Variants in YWHAZ observed in about 807,000 individuals in gnomAD.
YWHAZ encodes the protein tyrosine 3-monooxygenase/tryptophan 5-monooxygenase activation protein zeta.
For synonymous variants in YWHAZ, 87 were observed against 103.6 expected (o/e 0.84, Z 0.97); for missense variants, 79 against 284.8 (o/e 0.28, Z 5.20).
chr8:100,935,496 G>A (rs925157683), intron 2 of YWHAZ, among the ~76,000 whole-genome samples: 3 of 152,138 alleles, frequency 2.0e-5, no homozygotes, highest in Admixed American at 2.0e-4. Flanking sequence ...TGCTGTAAGA[G>A]ACACAACAAT....
rs1039398730 is a variant in YWHAZ at position 100,919,980 on chromosome 8, T to C, written c.*713A>G. ...GAAGTAATGAATACCAAGCAATTCA[T>C]TTTTCCTGCATCTTTACTTTTACAT... On this transcript the variant is annotated 3_prime_UTR_variant, in exon 6 of 6. Transcript: ENST00000395958. 6.5e-6 allele frequency: 1 copy of C among 152,774 alleles called. No homozygotes were observed. The highest frequency in any genetic ancestry group is 2.4e-5 in the African/African-American group (1 of 41,592). The allele number at this position is 152,774 out of a possible 1,614,324, so 9.5% of individuals were successfully genotyped here. A position where few individuals can be genotyped will look rare whatever the true frequency, so the allele number is the denominator to read the frequency against.
chr8:100,942,722 C>T (rs1448758203), intron 2 of YWHAZ, among the ~76,000 whole-genome samples: 1 of 152,028 alleles, frequency 6.6e-6, no homozygotes, highest in Non-Finnish European at 1.5e-5. Context: ...GACGACCAAA[C>T]TAAAGCTAAA....
rs1398525449 is a variant in YWHAZ at position 100,948,467 on chromosome 8, AAG to A, written c.294+127_294+128del. The A allele has an allele frequency of 9.5e-7, 1 of 1,049,374 alleles. No individual in the cohort carries two copies. The highest frequency in any genetic ancestry group is 1.4e-6 in the Non-Finnish European group (1 of 725,124). The allele number at this position is 1,049,374 out of a possible 1,614,324, so 65.0% of individuals were successfully genotyped here. A position where few individuals can be genotyped will look rare whatever the true frequency, so the allele number is the denominator to read the frequency against. ...ACATCTTTTTAGTCATGACACCATG[AAG>A]ACTTTTAAATTTGGAACACACAATG... On this transcript the variant is annotated intron_variant, in intron 2 of 5. Transcript: ENST00000395958. The surrounding 1 kb of genome is among the most constrained non-coding windows in gnomAD (Gnocchi z 4.2).
At position 100,918,340 on chromosome 8, in the gene YWHAZ, T is replaced by C; in HGVS notation, c.*2353A>G. On this transcript the variant is annotated 3_prime_UTR_variant, in exon 6 of 6. Coordinates refer to ENST00000395958, the MANE Select transcript of YWHAZ (RefSeq NM_145690.3). ...CCTGGGTGACAGAGCAAGACTCTTGTCTCCAAAAAAAAAAAAAACAACAAA... is the reference window on the plus strand; with the variant it reads ...CCTGGGTGACAGAGCAAGACTCTTGCCTCCAAAAAAAAAAAAAACAACAAA... 3.8e-5 allele frequency: 3 copies of C among 79,798 alleles called. No individual in the cohort carries two copies. Among genetic ancestry groups the C allele is most frequent in the South Asian group, 7.0e-4 (1 of 1,432 alleles). The allele number at this position is 79,798 out of a possible 1,614,324, so 4.9% of individuals were successfully genotyped here.
chr8:100,924,812 G>T lies in YWHAZ; in HGVS notation c.418+104C>A. ...CAAAGAGCACTGCTACTCCTTATTC[G>T]GCACTCTAAGCAATTCAAAACAAGA... On this transcript the variant is annotated intron_variant, in intron 3 of 5. Coordinates refer to ENST00000395958, the MANE Select transcript of YWHAZ (RefSeq NM_145690.3). This position sits in a 1 kb window ranked among gnomAD's most constrained non-coding sequence, Gnocchi z 5.7. 2 of 1,438,368 alleles carry T rather than the reference G, an allele frequency of 1.4e-6. No individual in the cohort carries two copies. Among genetic ancestry groups the T allele is most frequent in the South Asian group, 1.3e-5 (1 of 75,108 alleles). 89.1% of individuals were successfully genotyped at this position (1,438,368 alleles called of 1,614,324 possible). A position where few individuals can be genotyped will look rare whatever the true frequency, so the allele number is the denominator to read the frequency against.
upstream of YWHAZ, chr8:100,953,369 G>T: frequency 1.0e-6 from 1 of 985,666 alleles, no homozygotes; most frequent in Non-Finnish European, 1.2e-6. Context: ...GCCGGGACGG[G>T]AGCCCGGAAG....
Position 100,919,276 on chromosome 8 carries a change from A to G in YWHAZ, c.*1417T>C, listed in dbSNP as rs1341448521. The G allele has an allele frequency of 6.6e-6, 1 of 152,670 alleles. No individual in the cohort carries two copies. The highest frequency in any genetic ancestry group is 1.5e-5 in the Non-Finnish European group (1 of 68,036). The allele number at this position is 152,670 out of a possible 1,614,324, so 9.5% of individuals were successfully genotyped here. A position where few individuals can be genotyped will look rare whatever the true frequency, so the allele number is the denominator to read the frequency against. On this transcript the variant is annotated 3_prime_UTR_variant, in exon 6 of 6. Coordinates refer to ENST00000395958, the MANE Select transcript of YWHAZ (RefSeq NM_145690.3). ...GGATCAAAATTGAAGGCAGGCTATAAGAGTATCAAGAAATTCTTAAAAACC... is the reference window on the plus strand; with the variant it reads ...GGATCAAAATTGAAGGCAGGCTATAGGAGTATCAAGAAATTCTTAAAAACC...
upstream of YWHAZ, chr8:100,952,294 T>C: frequency 6.2e-6 from 2 of 320,670 alleles, no homozygotes; most frequent in Non-Finnish European, 9.0e-6. Context: ...TCCTCTACGC[T>C]TGTCCCGAGT....
At chr8:100,938,341 C>T (rs1814346102) in intron 2 of YWHAZ, among the ~76,000 whole-genome samples, 1 of 152,144 alleles carries the variant, frequency 6.6e-6, no homozygotes, top group African/African-American at 2.4e-5. Flanking sequence ...CCCTGAGCTG[C>T]AGTGTCTTGA....
At chr8:100,923,771 TATTTC>T (rs1813185416) in intron 5 of YWHAZ, 179 bp downstream of exon 5, 2 of 477,076 alleles carry the variant, frequency 4.2e-6, no homozygotes. Context: ...CTCAGTCTAA[TATTTC>T]AGTTTCTGTA....
intron 2 of YWHAZ, among the ~76,000 whole-genome samples, chr8:100,926,250 T>A (rs1813353790): frequency 6.6e-6 from 1 of 150,472 alleles, no homozygotes; most frequent in African/African-American, 2.4e-5. Context: ...CCAGATGAAG[T>A]GGCAGTAGGG....
rs1812774115 is a variant in YWHAZ, at chr8:100,918,030, G to A, written c.*2663C>T. 1.3e-5 allele frequency: 2 copies of A among 151,920 alleles called. No homozygotes were observed. The highest frequency in any genetic ancestry group is 2.4e-5 in the African/African-American group (1 of 41,372). The allele number at this position is 151,920 out of a possible 1,614,324, so 9.4% of individuals were successfully genotyped here. ...AAATAGGCAAATGTGCCAAGTTTCA[G>A]GTTTTATTTACTTGAATAATATCAC... On this transcript the variant is annotated 3_prime_UTR_variant, in exon 6 of 6. Coordinates refer to ENST00000395958, the MANE Select transcript of YWHAZ (RefSeq NM_145690.3).
At chr8:100,949,296 T>C (rs1810530676) in intron 1 of YWHAZ, among the ~76,000 whole-genome samples, 1 of 152,252 alleles carries the variant, frequency 6.6e-6, no homozygotes, top group Admixed American at 6.5e-5. Context: ...AGTAAAAGCA[T>C]TGTTTACAGA....
chr8:100,931,937 A>G (rs762308281), intron 2 of YWHAZ: 6 of 152,244 alleles, frequency 3.9e-5, no homozygotes, highest in Non-Finnish European at 7.3e-5. Flanking sequence ...AAAAAGAACA[A>G]AAGAAAAAAA....
intron 2 of YWHAZ, among the ~76,000 whole-genome samples, chr8:100,946,651 T>C (rs1183363156): frequency 1.3e-5 from 2 of 152,156 alleles, no homozygotes; most frequent in African/African-American, 4.8e-5. Flanking sequence ...ACTTTGTATA[T>C]GGAAAACATG....
intron 2 of YWHAZ, among the ~76,000 whole-genome samples, chr8:100,927,070 A>AG (rs1202755009): frequency 1.3e-5 from 2 of 152,236 alleles, no homozygotes; most frequent in Non-Finnish European, 2.9e-5. Context: ...AAGATTATTG[A>AG]GAAAAAATAC....
chr8:100,949,540 C>A (rs1003653520), intron 1 of YWHAZ, among the ~76,000 whole-genome samples: 1 of 152,014 alleles, frequency 6.6e-6, no homozygotes, highest in African/African-American at 2.4e-5. Flanking sequence ...ATAAATCCAC[C>A]ACAAAGGATC....
chr8:100,948,029 T>G lies in YWHAZ; in HGVS notation c.294+567A>C, dbSNP rs1251861514. ...TCGATTCAAACTGGAAAATCAAGCT[T>G]GAGTTGTTCATAACCTTTCATCATG... is the stretch of plus-strand genomic sequence containing the variant. On this transcript the variant is annotated intron_variant, in intron 2 of 5. Coordinates refer to ENST00000395958, the MANE Select transcript of YWHAZ (RefSeq NM_145690.3). The surrounding 1 kb of genome is among the most constrained non-coding windows in gnomAD (Gnocchi z 4.2). The G allele has an allele frequency of 2.2e-6, 3 of 1,389,784 alleles. No individual in the cohort carries two copies. The highest frequency in any genetic ancestry group is 2.9e-6 in the Non-Finnish European group (3 of 1,024,110). 86.1% of individuals were successfully genotyped at this position (1,389,784 alleles called of 1,614,324 possible).
intron 2 of YWHAZ, among the ~76,000 whole-genome samples, chr8:100,940,914 T>TAAAGGGATATGCTTTATTATTA (rs1809801733): frequency 1.3e-5 from 2 of 152,234 alleles, no homozygotes; most frequent in African/African-American, 2.4e-5. Flanking sequence ...TTTTTAGAAA[T>TAAAGGGATATGCTTTATTATTA]GTTACACAGG....
Sources: allele counts gnomAD v4.1 joint callset (sites outside exome capture counted in the v4.1 genomes callset), GRCh38; gene constraint gnomAD v4.1.1; non-coding constraint Gnocchi (gnomAD v3.1); transcripts MANE v1.5; gene names NCBI Gene and HGNC (gene_info 2026-07-23, HGNC 2026-07-21).